The following TGIF1 variants were observed in gnomAD, a reference collection of about 807,000 sequenced individuals.
The protein encoded by TGIF1 is homeobox protein TGIF1.
In TGIF1, 4 loss-of-function variants were observed where a neutral mutation model predicts 19.3. The ratio of observed to expected loss-of-function variants is 0.21; its 90% CI spans 0.10 to 0.47. The LOEUF is 0.47. TGIF1 is among the 20% of genes least tolerant of loss of function. TGIF1 has a pLI of 0.98. For missense variants in TGIF1, 275 were observed against 341.4 expected, an observed-to-expected ratio of 0.81 and a Z score of 1.53; for synonymous variants, 122 against 129.3, an observed-to-expected ratio of 0.94 and a Z score of 0.38.
chr18:3,450,120 G>A (rs1469790147), upstream of TGIF1: 8 of 1,078,746 alleles, frequency 7.4e-6, no homozygotes, highest in Admixed American at 1.9e-4. Context: ...GACGGGGCGG[G>A]CGGCTGGGGG....
chr18:3,422,296 T>TA (rs34822467), intron 2 of TGIF1, among the ~76,000 whole-genome samples: 3,210 of 80,418 alleles, frequency 0.04, 49 homozygotes, highest in East Asian at 0.073. Flanking sequence ...GTTTAAAAAG[T>TA]AAAAAAAAAA....
At chr18:3,445,723 C>CAAAAAA (rs141550400), upstream of TGIF1, among the ~76,000 whole-genome samples, 76 of 17,564 alleles carry the variant, frequency 4.3e-3, no homozygotes, top group Non-Finnish European at 5.5e-3. Context: ...GACTCTGTCT[C>CAAAAAA]AAAAAAAAAA....
intron 2 of TGIF1, among the ~76,000 whole-genome samples, chr18:3,423,382 CAA>C (rs1256149822): frequency 1.3e-5 from 2 of 151,544 alleles, no homozygotes; most frequent in Admixed American, 1.3e-4. Context: ...CCCGTCTCTA[CAA>C]AAAAAAGTTT....
intron 2 of TGIF1, among the ~76,000 whole-genome samples, chr18:3,438,131 G>A (rs1598876749): frequency 6.6e-6 from 1 of 152,072 alleles, no homozygotes; most frequent in East Asian, 1.9e-4. Context: ...GTTAGTGTAG[G>A]TTGTTGTTGT....
intron 2 of TGIF1, among the ~76,000 whole-genome samples, chr18:3,427,437 G>T (rs184520259): frequency 2.2e-4 from 34 of 151,224 alleles, no homozygotes; most frequent in African/African-American, 7.3e-4. Flanking sequence ...GACTACAGGT[G>T]TGCGCCACCA....
intron 1 of TGIF1, chr18:3,453,643 G>C (rs1342109809): frequency 4.4e-6 from 1 of 227,376 alleles, no homozygotes; most frequent in Non-Finnish European, 7.2e-6. Context: ...CCGAGGTTGC[G>C]GCATTGCACT....
At chr18:3,448,384 TG>T, upstream of TGIF1, 1 of 1,008,874 alleles carries the variant, frequency 9.9e-7, no homozygotes, top group African/African-American at 1.7e-5. Flanking sequence ...GCGGGGGCGC[TG>T]GCCCCCTCCC....
chr18:3,456,428 G>C lies in TGIF1; in HGVS notation c.91G>C (p.Ala31Pro), dbSNP rs371311801. Reference sequence around the variant, plus strand: ...CATTCCCTTGGACCTTTCTTCATCCGCTGGCTCAGGCAAGAGAAGGAGAAG... The same window carrying C: ...CATTCCCTTGGACCTTTCTTCATCCCCTGGCTCAGGCAAGAGAAGGAGAAG... ...MDIPLDLSSSAGSGKRRRRGN... is the reference protein window; with the variant it reads ...MDIPLDLSSSPGSGKRRRRGN... Residue 31 changes from alanine (A) to proline (P), a missense_variant, in exon 2 of 3, where the codon GCT (alanine) becomes CCT (proline). Transcript: ENST00000343820. This position sits in a 1 kb window ranked among gnomAD's most constrained non-coding sequence, Gnocchi z 4.2. The C allele has an allele frequency of 3.8e-5, 62 of 1,614,090 alleles. No homozygotes were observed. Among genetic ancestry groups the C allele is most frequent in the Non-Finnish European group, 4.6e-5 (54 of 1,180,042 alleles).
chr18:3,419,987 C>T (rs938495392), intron 2 of TGIF1, among the ~76,000 whole-genome samples: 7 of 147,998 alleles, frequency 4.7e-5, no homozygotes, highest in Non-Finnish European at 5.9e-5. Flanking sequence ...ACCTGGGTAA[C>T]GGGGCAAGAC....
chr18:3,423,482 T>A (rs78795208), intron 2 of TGIF1, among the ~76,000 whole-genome samples: 5,536 of 151,896 alleles, frequency 0.036, 116 homozygotes, highest in Non-Finnish European at 0.042. Flanking sequence ...CATCGAGACC[T>A]TCCTGGCTAA....
chr18:3,423,406 G>A (rs116208995), intron 2 of TGIF1, among the ~76,000 whole-genome samples: 5 of 152,202 alleles, frequency 3.3e-5, no homozygotes, highest in East Asian at 3.9e-4. Flanking sequence ...AAGGCTGAGC[G>A]CAGTGGCTCA....
upstream of TGIF1, chr18:3,448,076 G>GC (rs1002597470): frequency 2.0e-6 from 2 of 978,860 alleles, no homozygotes; most frequent in African/African-American, 3.7e-5. Flanking sequence ...AAGCGGGCGG[G>GC]GGGGGAGGTA....
intron 1 of TGIF1, chr18:3,415,384 A>C: frequency 4.3e-6 from 2 of 462,638 alleles, no homozygotes; most frequent in Non-Finnish European, 8.7e-6. Context: ...GCAGAGTGAG[A>C]TTCAGTCAGG....
At chr18:3,434,342 G>C (rs1006303527) in intron 2 of TGIF1, among the ~76,000 whole-genome samples, 3 of 152,110 alleles carry the variant, frequency 2.0e-5, no homozygotes, top group African/African-American at 4.8e-5. Context: ...TTCGAGACCA[G>C]CCTGACCAAC....
chr18:3,422,720 T>A (rs1478890891), intron 2 of TGIF1, among the ~76,000 whole-genome samples: 1 of 134,116 alleles, frequency 7.5e-6, no homozygotes, highest in East Asian at 2.5e-4. Flanking sequence ...AGACAGAGTC[T>A]GGCTCTGTCG....
chr18:3,453,095 A>G (rs1262827426), intron 1 of TGIF1, among the ~76,000 whole-genome samples: 1 of 151,802 alleles, frequency 6.6e-6, no homozygotes, highest in Non-Finnish European at 1.5e-5. Context: ...CCAAGGAGAT[A>G]CTGATTTTTT....
At position 3,430,666 on chromosome 18, in the gene TGIF1, G is replaced by A. The variant is rs568789623; in HGVS notation, c.-45+12451G>A. On this transcript the variant is annotated intron_variant, in intron 2 of 3. Transcript: ENST00000401449. ...ACTACAGGCCCATGCCACCACACCC[G>A]GCTAATTTTTTTTTTTTTTTTTTTT... Among the ~76,000 whole-genome samples the A allele has an allele frequency of 9.3e-5, 14 of 150,142 alleles. No homozygotes were observed. The South Asian group carries it at 1.7e-3, about 18-fold the overall frequency.
At chr18:3,449,538 T>TTCG, upstream of TGIF1, 2 of 961,948 alleles carry the variant, frequency 2.1e-6, no homozygotes, top group Non-Finnish European at 2.5e-6. Context: ...GTCTCATCAT[T>TTCG]CCCCCCCGCC....
At position 3,425,615 on chromosome 18, in the gene TGIF1, A is replaced by C. The variant is rs564517495; in HGVS notation, c.-45+7400A>C. Among the ~76,000 whole-genome samples, 8 of 152,216 alleles carry C rather than the reference A, an allele frequency of 5.3e-5. No individual in the cohort carries two copies. In the South Asian group the frequency reaches 1.2e-3, roughly 24 times the overall value. ...ACTCCTCTGGTGGGCCCCACCCAGA[A>C]GCCAACTCAGCATACAAGGACTGTT... On this transcript the variant is annotated intron_variant, in intron 2 of 3. Coordinates refer to the TGIF1 transcript ENST00000401449.
Sources: allele counts gnomAD v4.1 joint callset (sites outside exome capture counted in the v4.1 genomes callset), GRCh38; gene constraint gnomAD v4.1.1; non-coding constraint Gnocchi (gnomAD v3.1); transcripts MANE v1.5; gene names NCBI Gene and HGNC (gene_info 2026-07-23, HGNC 2026-07-21).